The following ZNF385D variants were observed in gnomAD, a reference collection of about 807,000 sequenced individuals.
ZNF385D encodes zinc finger protein 659.
In ZNF385D, 15 loss-of-function variants were observed where a neutral mutation model predicts 35.8. That is an observed-to-expected ratio of 0.42 (90% CI 0.28 to 0.64). The LOEUF is 0.64. Among genes scored for constraint, ZNF385D ranks in the 30% least tolerant of loss-of-function variants. The pLI is 0.23. For missense variants in ZNF385D, 474 were observed against 494.6 expected, an observed-to-expected ratio of 0.96 and a Z score of 0.39; for synonymous variants, 212 against 186.8, an observed-to-expected ratio of 1.13 and a Z score of -1.10.
chr3:21,727,719 G>GT, intron 1 of ZNF385D, among the ~76,000 whole-genome samples: 1 of 152,154 alleles, frequency 6.6e-6, no homozygotes, highest in East Asian at 1.9e-4. Flanking sequence ...GTTGGTGGGA[G>GT]TATAAATTAG....
chr3:21,765,157 A>G (rs926982575), intron 3 of ZNF385D, among the ~76,000 whole-genome samples: 5 of 152,060 alleles, frequency 3.3e-5, no homozygotes, highest in Non-Finnish European at 7.4e-5. Flanking sequence ...CAAAAGCAGC[A>G]ATTTCCAAAA....
At chr3:21,537,296 C>A (rs1478844430) in intron 3 of ZNF385D, among the ~76,000 whole-genome samples, 1 of 151,542 alleles carries the variant, frequency 6.6e-6, no homozygotes, top group Non-Finnish European at 1.5e-5. Context: ...CCACACCTGG[C>A]TATTTTTTGT....
chr3:21,696,488 T>C (rs2067475296), intron 1 of ZNF385D, among the ~76,000 whole-genome samples: 1 of 152,224 alleles, frequency 6.6e-6, no homozygotes, highest in African/African-American at 2.4e-5. Flanking sequence ...TACAGTCATG[T>C]AGAAGCTGGC....
intron 3 of ZNF385D, chr3:21,511,491 C>A (rs1206709396): frequency 5.6e-6 from 2 of 355,892 alleles, no homozygotes; most frequent in African/African-American, 2.1e-5. Flanking sequence ...AAGGTTCACA[C>A]AAAACAGGGG....
At chr3:22,246,967 A>G (rs530543419) in intron 2 of ZNF385D, among the ~76,000 whole-genome samples, 33 of 152,178 alleles carry the variant, frequency 2.2e-4, no homozygotes, top group African/African-American at 7.2e-4. Flanking sequence ...ACACAATTTC[A>G]ATTTATAGAT....
chr3:21,772,310 A>G (rs577354649), intron 3 of ZNF385D, among the ~76,000 whole-genome samples: 1 of 152,046 alleles, frequency 6.6e-6, no homozygotes, highest in African/African-American at 2.4e-5. Context: ...ATGGAAGACA[A>G]TATTTGCAAA....
At chr3:21,998,714 G>A (rs1483938915) in intron 3 of ZNF385D, among the ~76,000 whole-genome samples, 3 of 152,106 alleles carry the variant, frequency 2.0e-5, no homozygotes, top group Non-Finnish European at 2.9e-5. Flanking sequence ...TTTGAGAATG[G>A]TATTTTAATG....
chr3:21,997,358 G>T (rs1432113374), intron 3 of ZNF385D, among the ~76,000 whole-genome samples: 1 of 152,104 alleles, frequency 6.6e-6, no homozygotes, highest in Non-Finnish European at 1.5e-5. Flanking sequence ...GTGTGGTGGG[G>T]GGATTGGGGA....
chr3:22,370,092 G>T (rs551499906), intron 2 of ZNF385D, among the ~76,000 whole-genome samples: 4 of 152,258 alleles, frequency 2.6e-5, no homozygotes, highest in South Asian at 4.1e-4. Flanking sequence ...CACAGCAGGG[G>T]TAGTAATTGT....
intron 2 of ZNF385D, among the ~76,000 whole-genome samples, chr3:21,620,652 A>G (rs963001241): frequency 6.6e-6 from 1 of 152,138 alleles, no homozygotes; most frequent in Admixed American, 6.5e-5. Flanking sequence ...TCTCATTTGA[A>G]TGCCCTTAAT....
At chr3:22,359,895 T>C (rs373196117) in intron 2 of ZNF385D, among the ~76,000 whole-genome samples, 11 of 152,040 alleles carry the variant, frequency 7.2e-5, no homozygotes, top group African/African-American at 2.6e-4. Context: ...GAGAATTAGA[T>C]ATACATACTA....
At chr3:21,804,401 T>A (rs2072541882) in intron 3 of ZNF385D, among the ~76,000 whole-genome samples, 1 of 152,174 alleles carries the variant, frequency 6.6e-6, no homozygotes, top group Admixed American at 6.5e-5. Context: ...CAGTAACGTT[T>A]TCAAGAAATT....
chr3:21,811,358 A>G (rs1236837642), intron 3 of ZNF385D, among the ~76,000 whole-genome samples: 1 of 152,146 alleles, frequency 6.6e-6, no homozygotes, highest in Non-Finnish European at 1.5e-5. Flanking sequence ...GGAAATATTC[A>G]AGAGACCAGA....
chr3:22,292,804 T>C (rs1702368603), intron 2 of ZNF385D, among the ~76,000 whole-genome samples: 1 of 152,102 alleles, frequency 6.6e-6, no homozygotes, highest in East Asian at 1.9e-4. Flanking sequence ...TCTACTTATA[T>C]TACTTTCTGG....
Position 22,294,989 on chromosome 3 carries a change from A to T in ZNF385D, c.106+77461T>A, listed in dbSNP as rs191447900. Among the ~76,000 whole-genome samples, 869 of 152,186 alleles carry T rather than the reference A, an allele frequency of 5.7e-3. 9 individuals carry two copies. Among genetic ancestry groups the T allele is most frequent in the South Asian group, 0.049 (237 of 4,820 alleles). ...TCTATCTCTGTATATCTATTTATAC[A>T]CACACTCACACACATGTTTCACTCT... is the stretch of plus-strand genomic sequence containing the variant. On this transcript the variant is annotated intron_variant, in intron 2 of 5. Transcript: ENST00000494108.
At chr3:22,102,815 A>T (rs1702008348) in intron 3 of ZNF385D, among the ~76,000 whole-genome samples, 1 of 151,878 alleles carries the variant, frequency 6.6e-6, no homozygotes. Flanking sequence ...GATCACTGCG[A>T]AAGGACTCAT....
chr3:21,809,769 T>C (rs1348984066), intron 3 of ZNF385D, among the ~76,000 whole-genome samples: 4 of 151,376 alleles, frequency 2.6e-5, no homozygotes, highest in African/African-American at 9.7e-5. Context: ...CTAGGTACAT[T>C]AAAATTGAAT....
At chr3:21,809,814 A>C (rs996293785) in intron 3 of ZNF385D, among the ~76,000 whole-genome samples, 4 of 151,988 alleles carry the variant, frequency 2.6e-5, no homozygotes, top group African/African-American at 9.7e-5. Context: ...GGAAAGAGAG[A>C]GGTACAAAAA....
chr3:21,910,175 G>A (rs368326523), intron 3 of ZNF385D, among the ~76,000 whole-genome samples: 10 of 151,616 alleles, frequency 6.6e-5, no homozygotes, highest in Admixed American at 4.0e-4. Flanking sequence ...GGATTGCACC[G>A]TCATCCAATA....
Sources: gnomAD v4.1 joint callset for allele counts (sites outside exome capture counted in the v4.1 genomes callset) on GRCh38, gnomAD v4.1.1 for gene constraint, MANE v1.5 for transcripts, NCBI Gene and HGNC (gene_info 2026-07-23, HGNC 2026-07-21) for gene names.